Variants in GLG1 observed in about 807,000 individuals in gnomAD.
GLG1 encodes golgi glycoprotein 1.
GLG1 carries 38 observed loss-of-function variants against 160.5 expected under a neutral mutation model. That is an observed-to-expected ratio of 0.24 (90% CI 0.18 to 0.31). The LOEUF is 0.31. Among genes scored for constraint, GLG1 ranks in the 10% least tolerant of loss-of-function variants. The pLI is 1.00. For synonymous variants in GLG1, 644 were observed against 543.4 expected (o/e 1.19, Z -2.57); for missense variants, 1,373 against 1,505.2 (o/e 0.91, Z 1.45).
intron 22 of GLG1, among the ~76,000 whole-genome samples, chr16:74,460,462 T>G (rs1229086042): frequency 6.6e-6 from 1 of 152,184 alleles, no homozygotes; most frequent in Non-Finnish European, 1.5e-5. Context: ...CGGCCTGAAC[T>G]GACAGTTTCA....
intron 2 of GLG1, among the ~76,000 whole-genome samples, chr16:74,529,878 A>ATGAT (rs1358436390): frequency 7.9e-6 from 1 of 125,902 alleles, no homozygotes; most frequent in Non-Finnish European, 1.6e-5. Flanking sequence ...GGGCAGTGGC[A>ATGAT]CGATCTCACT....
chr16:74,517,628 G>C (rs74438705), intron 2 of GLG1, among the ~76,000 whole-genome samples: 1 of 152,154 alleles, frequency 6.6e-6, no homozygotes, highest in East Asian at 1.9e-4. Context: ...CATTCCCTTT[G>C]AAAACCAGCA....
At chr16:74,506,658 T>C (rs1342188433) in intron 3 of GLG1, among the ~76,000 whole-genome samples, 5 of 135,934 alleles carry the variant, frequency 3.7e-5, no homozygotes, top group Admixed American at 7.5e-5. Context: ...AGAAACTAAA[T>C]GTAAATTTTA....
At chr16:74,493,498 T>C (rs961081119) in intron 6 of GLG1, among the ~76,000 whole-genome samples, 1 of 152,234 alleles carries the variant, frequency 6.6e-6, no homozygotes, top group Admixed American at 6.5e-5. Flanking sequence ...AGCATCAAAC[T>C]GGCAACTAAC....
intron 3 of GLG1, among the ~76,000 whole-genome samples, chr16:74,508,221 T>C (rs1368534621): frequency 6.6e-6 from 1 of 151,720 alleles, no homozygotes; most frequent in East Asian, 1.9e-4. Flanking sequence ...TGACTGTTAA[T>C]TCTGGGGTGG....
chr16:74,540,357 T>TA (rs897421565), intron 1 of GLG1, among the ~76,000 whole-genome samples: 268 of 150,832 alleles, frequency 1.8e-3, no homozygotes, highest in African/African-American at 6.2e-3. Flanking sequence ...CTACCGTGTA[T>TA]AAAAAAATGT....
intron 1 of GLG1, chr16:74,563,253 G>A (rs1444383242): frequency 6.6e-6 from 1 of 152,200 alleles, no homozygotes; most frequent in East Asian, 1.9e-4. Flanking sequence ...AAAGATGACA[G>A]TCCAATGTGG....
intron 13 of GLG1, 183 bp downstream of exon 13, chr16:74,474,363 G>C (rs922596865): frequency 1.7e-6 from 1 of 581,292 alleles, no homozygotes; most frequent in Non-Finnish European, 3.1e-6. Flanking sequence ...AGAAATGAGG[G>C]AAGGAGCTCA....
chr16:74,527,948 A>G (rs4260082), intron 2 of GLG1, among the ~76,000 whole-genome samples: 135,476 of 143,524 alleles, frequency 0.94, 64,131 homozygotes, highest in East Asian at 1. Flanking sequence ...GCAGTGGTGC[A>G]GTCTCGGCTC....
At chr16:74,571,280 C>T (rs2018819247) in intron 1 of GLG1, among the ~76,000 whole-genome samples, 1 of 152,192 alleles carries the variant, frequency 6.6e-6, no homozygotes. Context: ...ATGAGCCCAA[C>T]TATAACCATG....
chr16:74,540,226 A>G (rs1270337703), intron 1 of GLG1, among the ~76,000 whole-genome samples: 2 of 136,918 alleles, frequency 1.5e-5, no homozygotes, highest in East Asian at 4.1e-4. Flanking sequence ...ACATTGGATT[A>G]TAATATTTAT....
rs991675844 is a variant in GLG1 at position 74,454,491 on chromosome 16, C to A, written c.3373-1157G>T. On this transcript the variant is annotated intron_variant, in intron 25 of 25. Transcript: ENST00000422840. The stretch of plus-strand genomic sequence containing the variant: ...GACCAGCCTGGCCAACATGGTGAAA[C>A]CCTGTCTCTACTAAAAATACAAAAG... 9.9e-4 allele frequency among the ~76,000 whole-genome samples: 149 copies of A among 150,302 alleles called. 1 individual carries two copies. The highest frequency in any genetic ancestry group is 3.3e-3 in the African/African-American group (135 of 41,044).
rs963296424 is a variant in GLG1, at chr16:74,590,251, G to A, written c.438+16406C>T. Among the ~76,000 whole-genome samples, 18 of 151,974 alleles carry A rather than the reference G, an allele frequency of 1.2e-4. 2 individuals carry two copies. The highest frequency in any genetic ancestry group is 1.0e-3 in the South Asian group (5 of 4,812). ...CCTGATCTCGTGATCCGCCCACCTC[G>A]GCCTCCCAAAATACTGGGATTACAA... On this transcript the variant is annotated intron_variant, in intron 1 of 25. Coordinates refer to ENST00000422840, the MANE Select transcript of GLG1 (RefSeq NM_001145667.2).
In GLG1 at chr16:74,451,433, A is replaced by C. The variant is rs1409853636; in HGVS notation, c.*1734T>G. The C allele has an allele frequency of 6.6e-6, 1 of 152,278 alleles. No homozygotes were observed. Among genetic ancestry groups the C allele is most frequent in the East Asian group, 1.9e-4 (1 of 5,200 alleles). 9.4% of individuals were successfully genotyped at this position (152,278 alleles called of 1,614,324 possible). On this transcript the variant is annotated 3_prime_UTR_variant, in exon 26 of 26. Transcript: ENST00000422840. ...AAACCACAGTATTCAAATATATGTC[A>C]GTCAGGTTAGACAAGGAGTAACTTG...
intron 2 of GLG1, among the ~76,000 whole-genome samples, chr16:74,529,107 C>CTATTTTGTAATTTTT (rs2017444016): frequency 6.6e-6 from 1 of 151,704 alleles, no homozygotes; most frequent in South Asian, 2.1e-4. Flanking sequence ...GCTGGGATTA[C>CTATTTTGTAATTTTT]AGGCACCTGC....
intron 1 of GLG1, among the ~76,000 whole-genome samples, chr16:74,597,482 G>T (rs1958332477): frequency 6.6e-6 from 1 of 151,044 alleles, no homozygotes; most frequent in Admixed American, 6.6e-5. Flanking sequence ...GGTGATAGAT[G>T]GTGGTGCAAG....
At chr16:74,546,336 G>C (rs931434105) in intron 1 of GLG1, among the ~76,000 whole-genome samples, 1 of 152,034 alleles carries the variant, frequency 6.6e-6, no homozygotes, top group East Asian at 1.9e-4. Context: ...CTCCTTGGGT[G>C]GGGGGCGCTG....
chr16:74,603,137 C>A (rs1413438433), intron 1 of GLG1, among the ~76,000 whole-genome samples: 2 of 151,540 alleles, frequency 1.3e-5, no homozygotes, highest in Non-Finnish European at 2.9e-5. Context: ...AGCAGCCAGG[C>A]GCAATAGCTC....
rs993441751 is a variant in GLG1, at chr16:74,606,922, G to A, written c.173C>T (p.Pro58Leu). ...CAGCTGGGGCAGCTGCTGACCCGCC[G>A]GGCCGCCGCCTCCGGCCTGCCCTAC... ...SFVGQAGGGG[P>L]AGQQLPQLPQ... The change falls in exon 1 of 26, where the codon CCG becomes CTG. Residue 58 changes from proline to leucine, a missense_variant. Physicochemically the swap from Pro to Leu is moderately conservative, Grantham distance 98. Transcript: ENST00000422840. 20 of 1,607,086 alleles carry A rather than the reference G, an allele frequency of 1.2e-5. 1 individual carries two copies. The Admixed American group carries it at 2.2e-4, about 18-fold the overall frequency.
Sources: allele counts gnomAD v4.1 joint callset (sites outside exome capture counted in the v4.1 genomes callset), GRCh38; gene constraint gnomAD v4.1.1; transcripts MANE v1.5; gene names NCBI Gene and HGNC (gene_info 2026-07-23, HGNC 2026-07-21).